The following FAM118B variants were observed in gnomAD, a reference collection of about 807,000 sequenced individuals.
The protein encoded by FAM118B is SIR2 antiphage like 1, also known as protein FAM118B.
FAM118B carries 24 observed loss-of-function variants against 38.5 expected under a neutral mutation model. The ratio of observed to expected loss-of-function variants is 0.62; its 90% CI spans 0.45 to 0.88. FAM118B has a LOEUF of 0.88. Among genes scored for constraint, FAM118B ranks in the 40% least tolerant of loss-of-function variants. FAM118B has a pLI of 0.00. For missense variants in FAM118B, 334 were observed against 420.0 expected (o/e 0.80, Z 1.79); for synonymous variants, 138 against 156.3 (o/e 0.88, Z 0.87).
chr11:126,221,062 C>T (rs1236039715), intron 1 of FAM118B, among the ~76,000 whole-genome samples: 3 of 152,060 alleles, frequency 2.0e-5, no homozygotes, highest in Admixed American at 6.5e-5. Context: ...TGGCGTGGGC[C>T]TGTAATCCCA....
chr11:126,246,554 A>G (rs571420547), intron 4 of FAM118B, among the ~76,000 whole-genome samples: 3 of 152,318 alleles, frequency 2.0e-5, no homozygotes, highest in East Asian at 1.9e-4. Flanking sequence ...TAGTTGATGC[A>G]CTAGAAATGT....
At chr11:126,254,682 T>C (rs551451101) in intron 6 of FAM118B, among the ~76,000 whole-genome samples, 12 of 152,108 alleles carry the variant, frequency 7.9e-5, no homozygotes, top group East Asian at 1.9e-4. Context: ...AAAATAAAAT[T>C]AGCTAGGCAT....
Position 126,242,437 on chromosome 11 carries a change from A to T in FAM118B, c.339+1393A>T, listed in dbSNP as rs531757335. On this transcript the variant is annotated intron_variant, in intron 4 of 8. Transcript: ENST00000533050. ...AGACCCTGTCTCTACCAAAAGAAAA[A>T]AAAAAGTGAAAAGACAGCTTCCAGA... is the stretch of plus-strand genomic sequence containing the variant. Among the ~76,000 whole-genome samples, 4 of 152,356 alleles carry T rather than the reference A, an allele frequency of 2.6e-5. No homozygotes were observed. The East Asian group carries it at 5.8e-4, about 22-fold the overall frequency.
chr11:126,214,514 G>GTTTTTTTTTTTTTTTTT (rs71048770), intron 1 of FAM118B: 2 of 41,498 alleles, frequency 4.8e-5, no homozygotes, highest in African/African-American at 5.8e-5. Context: ...TTTTTTTTTT[G>GTTTTTTTTTTTTTTTTT]TTTTTTTTTT....
At chr11:126,241,773 C>T (rs1358461093) in intron 4 of FAM118B, among the ~76,000 whole-genome samples, 2 of 152,106 alleles carry the variant, frequency 1.3e-5, no homozygotes, top group Non-Finnish European at 2.9e-5. Context: ...TGGTCTCGAA[C>T]TTCTGACCTC....
At chr11:126,249,515 A>G (rs566202517) in intron 4 of FAM118B, among the ~76,000 whole-genome samples, 1 of 152,078 alleles carries the variant, frequency 6.6e-6, no homozygotes, top group East Asian at 1.9e-4. Flanking sequence ...AGTGGATCAC[A>G]AGGTCAGGAG....
At chr11:126,234,149 C>T (rs1950242250) in intron 2 of FAM118B, among the ~76,000 whole-genome samples, 1 of 152,176 alleles carries the variant, frequency 6.6e-6, no homozygotes, top group Admixed American at 6.5e-5. Flanking sequence ...TAATTCAGTT[C>T]TATATGTTGC....
At chr11:126,225,191 C>G (rs895361506) in intron 1 of FAM118B, among the ~76,000 whole-genome samples, 1 of 152,176 alleles carries the variant, frequency 6.6e-6, no homozygotes, top group Non-Finnish European at 1.5e-5. Flanking sequence ...CTTTTAAGAG[C>G]AGCTTTTCTC....
upstream of FAM118B, chr11:126,211,747 G>T: frequency 7.8e-7 from 1 of 1,283,530 alleles, no homozygotes; most frequent in Non-Finnish European, 1.1e-6. Flanking sequence ...GGGCCTGGGC[G>T]AGTCACGTGG....
chr11:126,245,834 TA>T (rs1950412278), intron 4 of FAM118B, among the ~76,000 whole-genome samples: 1 of 151,788 alleles, frequency 6.6e-6, no homozygotes, highest in South Asian at 2.1e-4. Flanking sequence ...CCATCTCTAA[TA>T]AAAATACATA....
At chr11:126,254,571 G>A in intron 6 of FAM118B, 138 bp downstream of exon 6, 4 of 1,181,130 alleles carry the variant, frequency 3.4e-6, no homozygotes, top group South Asian at 1.5e-5. Context: ...AGTGGCTCAT[G>A]CCTATAATCC....
chr11:126,217,234 C>A (rs777147589), intron 1 of FAM118B, among the ~76,000 whole-genome samples: 6 of 152,206 alleles, frequency 3.9e-5, no homozygotes, highest in Admixed American at 2.0e-4. Context: ...GCTGTATCTT[C>A]TTGTTGCTAA....
chr11:126,261,362 CT>C lies in FAM118B; in HGVS notation c.983-58del, dbSNP rs1001459554. ...TATGTCCTCATCTCCCTTTAGTTTTCTTTTTGCTATTAATAGTTTTAGCTTT... is the reference window on the plus strand; with the variant it reads ...TATGTCCTCATCTCCCTTTAGTTTTCTTTTGCTATTAATAGTTTTAGCTTT... On this transcript the variant is annotated intron_variant, in intron 7 of 8. Coordinates refer to ENST00000533050, the MANE Select transcript of FAM118B (RefSeq NM_024556.4). 2.1e-6 allele frequency: 3 copies of C among 1,409,274 alleles called. No homozygotes were observed. The African/African-American group carries it at 4.2e-5, about 20-fold the overall frequency. The allele number at this position is 1,409,274 out of a possible 1,614,324, so 87.3% of individuals were successfully genotyped here.
At chr11:126,221,737 G>A (rs1425162154) in intron 1 of FAM118B, among the ~76,000 whole-genome samples, 1 of 152,050 alleles carries the variant, frequency 6.6e-6, no homozygotes, top group Non-Finnish European at 1.5e-5. Flanking sequence ...CGGATCCTCA[G>A]CATTTAGGAA....
Position 126,255,104 on chromosome 11 carries a change from G to C in FAM118B, c.696+671G>C, listed in dbSNP as rs1445952799. On this transcript the variant is annotated intron_variant, in intron 6 of 8. Transcript: ENST00000533050. The surrounding 1 kb of genome is among the most constrained non-coding windows in gnomAD (Gnocchi z 4.6). ...CTTCTTAACAAACCAACCACTACTA[G>C]AGAATACATTCTAAAGAGACTTTGT... 6.6e-6 allele frequency among the ~76,000 whole-genome samples: 1 copy of C among 152,162 alleles called. No individual in the cohort carries two copies. The highest frequency in any genetic ancestry group is 1.5e-5 in the Non-Finnish European group (1 of 68,028).
At chr11:126,233,478 T>A (rs1436559239) in intron 2 of FAM118B, 1 of 265,676 alleles carries the variant, frequency 3.8e-6, no homozygotes, top group African/African-American at 2.3e-5. Context: ...AGAGCAAAAC[T>A]CTGTCTCAAA....
chr11:126,247,030 C>T (rs1227436166), intron 4 of FAM118B, among the ~76,000 whole-genome samples: 2 of 152,192 alleles, frequency 1.3e-5, no homozygotes, highest in South Asian at 2.1e-4. Flanking sequence ...TGGTGGTACA[C>T]GCCTGTGGTC....
At chr11:126,227,635 T>G (rs1279355114) in intron 1 of FAM118B, among the ~76,000 whole-genome samples, 1 of 152,184 alleles carries the variant, frequency 6.6e-6, no homozygotes, top group East Asian at 1.9e-4. Flanking sequence ...CATATCTTTC[T>G]TATCCTTCTG....
chr11:126,217,409 G>A (rs1949994202), intron 1 of FAM118B, among the ~76,000 whole-genome samples: 1 of 152,160 alleles, frequency 6.6e-6, no homozygotes, highest in Non-Finnish European at 1.5e-5. Flanking sequence ...AAAACAGGTA[G>A]CTTTTATGTA....
Sources: gnomAD v4.1 joint callset for allele counts (sites outside exome capture counted in the v4.1 genomes callset) on GRCh38, gnomAD v4.1.1 for gene constraint, Gnocchi (gnomAD v3.1) non-coding constraint, MANE v1.5 for transcripts, NCBI Gene and HGNC (gene_info 2026-07-23, HGNC 2026-07-21) for gene names.